The following PRDM15 variants were observed in gnomAD, a reference collection of about 807,000 sequenced individuals.
PRDM15 encodes the protein PR/SET domain 15, also known as PR domain zinc finger protein 15.
Under a neutral mutation model 128.6 loss-of-function variants are expected in PRDM15, and 64 were observed. The observed-to-expected ratio is 0.50, with a 90% CI of 0.41 to 0.61. The LOEUF (loss-of-function observed/expected upper bound fraction) is 0.61, where lower values mean the gene tolerates loss of function less well. PRDM15 is among the 20% of genes least tolerant of loss of function. The pLI is 0.00. For missense variants in PRDM15, 1,242 were observed against 1,569.1 expected (o/e 0.79, Z 3.52); for synonymous variants, 615 against 621.8 (o/e 0.99, Z 0.16).
chr21:41,860,464 G>T, intron 1 of PRDM15, 92 bp from the exon 2 acceptor site: 2 of 1,079,534 alleles, frequency 1.9e-6, no homozygotes, highest in South Asian at 1.3e-5. Flanking sequence ...TGTTGCCCAG[G>T]ATAGATAGAG....
rs375224233 is a variant in PRDM15 at position 41,809,900 on chromosome 21, A to G, written c.2652+254T>C. On this transcript the variant is annotated intron_variant, in intron 21 of 23. Transcript: ENST00000398548. ...GGGGGAGTGGCAGGGCTGTGCTTCC[A>G]TCTTGCCATAATTTCAGGGAGGACG... Among the ~76,000 whole-genome samples, 55 of 152,242 alleles carry G rather than the reference A, an allele frequency of 3.6e-4. 1 individual carries two copies. The South Asian group carries it at 0.011, about 30-fold the overall frequency.
Position 41,800,187 on chromosome 21 carries a change from T to C in PRDM15, c.*1053A>G, listed in dbSNP as rs1363456199. The C allele has an allele frequency of 6.6e-6, 1 of 152,254 alleles. No individual in the cohort carries two copies. Among genetic ancestry groups the C allele is most frequent in the Non-Finnish European group, 1.5e-5 (1 of 68,040 alleles). 9.4% of individuals were successfully genotyped at this position (152,254 alleles called of 1,614,324 possible). A position where few individuals can be genotyped will look rare whatever the true frequency, so the allele number is the denominator to read the frequency against. On this transcript the variant is annotated 3_prime_UTR_variant, in exon 24 of 24. Coordinates refer to ENST00000398548, the MANE Select transcript of PRDM15 (RefSeq NM_001040424.3). ...ACTGGTCATGAAATACACCAACCTT[T>C]GGAATTGAAGTTTAAACAGAAGGAA...
Position 41,872,487 on chromosome 21 carries a change from TTATCAA to T in PRDM15, c.-10+6777_-10+6782del, listed in dbSNP as rs2064247471. ...GAAATAATGAACTTAAACAACTTCA[TTATCAA>T]TAACTTTAATTGATTTTTTATATTT... On this transcript the variant is annotated intron_variant, in intron 1 of 23. Coordinates refer to ENST00000398548, the MANE Select transcript of PRDM15 (RefSeq NM_001040424.3). Among the ~76,000 whole-genome samples the T allele has an allele frequency of 2.0e-5, 3 of 152,366 alleles. No individual in the cohort carries two copies. The South Asian group carries it at 6.2e-4, about 32-fold the overall frequency.
Position 41,810,431 on chromosome 21 carries a change from A to G in PRDM15, c.2477-102T>C, listed in dbSNP as rs2061827852. Reference sequence around the variant, plus strand: ...ACCCTGGCCTGCTGGACGAGGCAAGAAGCCTGTCACGCCCCGCCCATCCTG... The same window carrying G: ...ACCCTGGCCTGCTGGACGAGGCAAGGAGCCTGTCACGCCCCGCCCATCCTG... On this transcript the variant is annotated intron_variant, in intron 20 of 23. Transcript: ENST00000398548. This position sits in a 1 kb window ranked among gnomAD's most constrained non-coding sequence, Gnocchi z 6.4. 6 of 1,364,740 alleles carry G rather than the reference A, an allele frequency of 4.4e-6. No homozygotes were observed. The African/African-American group carries it at 8.5e-5, about 19-fold the overall frequency. 84.5% of individuals were successfully genotyped at this position (1,364,740 alleles called of 1,614,324 possible). A position where few individuals can be genotyped will look rare whatever the true frequency, so the allele number is the denominator to read the frequency against.
In PRDM15 at chr21:41,836,130, T is replaced by C. The variant is rs1379949292; in HGVS notation, c.1261A>G (p.Lys421Glu). Residue 421 changes from lysine to glutamate, a missense_variant, in exon 10 of 24, where the codon AAG (lysine) becomes GAG (glutamate). Coordinates refer to ENST00000398548, the MANE Select transcript of PRDM15 (RefSeq NM_001040424.3). ...CCACCCACCTCGTTCCTGCTGTGCT[T>C]GTAGGAAACGTGCTGCTTTAGGCTC... ...KESLKQHVSYKHSRNEVDGEY... is the reference protein window; with the variant it reads ...KESLKQHVSYEHSRNEVDGEY... 6.2e-7 allele frequency: 1 copy of C among 1,613,814 alleles called. No homozygotes were observed. Among genetic ancestry groups the C allele is most frequent in the Non-Finnish European group, 8.5e-7 (1 of 1,179,840 alleles).
At chr21:41,824,812 G>A (rs1162006448) in intron 13 of PRDM15, among the ~76,000 whole-genome samples, 1 of 152,162 alleles carries the variant, frequency 6.6e-6, no homozygotes, top group Non-Finnish European at 1.5e-5. Flanking sequence ...TCTGTGGTTT[G>A]AAAAAAATCA....
intron 14 of PRDM15, among the ~76,000 whole-genome samples, chr21:41,822,730 G>A (rs1462737816): frequency 6.6e-6 from 1 of 152,208 alleles, no homozygotes; most frequent in South Asian, 2.1e-4. Flanking sequence ...CATGAGGCTG[G>A]AGCCCTCAAG....
intron 21 of PRDM15, among the ~76,000 whole-genome samples, chr21:41,806,741 C>T (rs1284632385): frequency 6.9e-6 from 1 of 144,752 alleles, no homozygotes; most frequent in Non-Finnish European, 1.5e-5. Context: ...ATCACCATAC[C>T]ACCACCATCA....
intron 7 of PRDM15, 151 bp from the exon 8 acceptor site, chr21:41,838,214 G>A (rs1601316391): frequency 2.6e-6 from 2 of 771,128 alleles, no homozygotes; most frequent in East Asian, 2.7e-5. Context: ...AAAAAAAACT[G>A]TCAATATTTT....
At chr21:41,835,963 G>GCCC in intron 10 of PRDM15, 150 bp downstream of exon 10, 1 of 115,682 alleles carries the variant, frequency 8.6e-6, no homozygotes, top group Non-Finnish European at 1.7e-5. Context: ...CTCCCCCACA[G>GCCC]CCCCCGCCCA....
chr21:41,854,743 G>A lies in PRDM15; in HGVS notation c.361C>T (p.Arg121Trp), dbSNP rs750268566. 3.7e-6 allele frequency: 6 copies of A among 1,613,030 alleles called. No individual in the cohort carries two copies. Among genetic ancestry groups the A allele is most frequent in the African/African-American group, 2.7e-5 (2 of 74,952 alleles). The change falls in exon 5 of 24, where the codon CGG (arginine) becomes TGG (tryptophan). Residue 121 changes from arginine (R) to tryptophan (W), a missense_variant. Physicochemically the swap from Arg to Trp is moderately radical, Grantham distance 101. This residue lies in a region of PRDM15 where 612 missense variants were observed against 717.0 expected (regional missense o/e 0.85). Transcript: ENST00000398548. This position sits in a 1 kb window ranked among gnomAD's most constrained non-coding sequence, Gnocchi z 4.6. ...EDDCNWMMLV[R>W]PAAEAEHQNL... Reference sequence around the variant, plus strand: ...TGGTGCTCGGCCTCCGCCGCTGGCCGCACCAGCATCATCCAGTTGCAGTCA... The same window carrying A: ...TGGTGCTCGGCCTCCGCCGCTGGCCACACCAGCATCATCCAGTTGCAGTCA...
intron 1 of PRDM15, among the ~76,000 whole-genome samples, chr21:41,865,736 A>G (rs2063986235): frequency 6.6e-6 from 1 of 152,086 alleles, no homozygotes; most frequent in African/African-American, 2.4e-5. Flanking sequence ...TGTTTTTTCT[A>G]CTAGATTTAT....
intron 9 of PRDM15, 124 bp downstream of exon 9, chr21:41,836,344 G>T (rs1300186121): frequency 2.3e-6 from 3 of 1,291,492 alleles, no homozygotes; most frequent in Non-Finnish European, 3.3e-6. Flanking sequence ...GCCCACAAAT[G>T]CAGCCTCTCA....
In PRDM15 at chr21:41,801,184, A is replaced by G; in HGVS notation, c.*56T>C. 1.3e-6 allele frequency: 2 copies of G among 1,498,414 alleles called. No individual in the cohort carries two copies. The highest frequency in any genetic ancestry group is 1.3e-5 in the South Asian group (1 of 74,696). 92.8% of individuals were successfully genotyped at this position (1,498,414 alleles called of 1,614,324 possible). Reference sequence around the variant, plus strand: ...TGTTTGGTATCCAGCAAACACATCTAAACAAATCCCAAACATCCCTCTGCA... The same window carrying G: ...TGTTTGGTATCCAGCAAACACATCTGAACAAATCCCAAACATCCCTCTGCA... On this transcript the variant is annotated 3_prime_UTR_variant, in exon 24 of 24. Coordinates refer to ENST00000398548, the MANE Select transcript of PRDM15 (RefSeq NM_001040424.3).
Position 41,828,153 on chromosome 21 carries a change from C to T in PRDM15, c.1534+13G>A. The T allele has an allele frequency of 5.0e-6, 8 of 1,612,768 alleles. No homozygotes were observed. Among genetic ancestry groups the T allele is most frequent in the South Asian group, 1.1e-5 (1 of 91,052 alleles). Reference sequence around the variant, plus strand: ...CCTCTCCCCGCCCGCAGCAGGTGCGCAGGCGGCCTCACCTTCCAGGTGCCG... The same window carrying T: ...CCTCTCCCCGCCCGCAGCAGGTGCGTAGGCGGCCTCACCTTCCAGGTGCCG... On this transcript the variant is annotated intron_variant, in intron 12 of 23. Coordinates refer to ENST00000398548, the MANE Select transcript of PRDM15 (RefSeq NM_001040424.3). This position sits in a 1 kb window ranked among gnomAD's most constrained non-coding sequence, Gnocchi z 5.7.
In PRDM15 at chr21:41,802,648, G is replaced by C; in HGVS notation, c.2943+64C>G. On this transcript the variant is annotated intron_variant, in intron 23 of 23. Transcript: ENST00000398548. ...TAAAAAGAGATGGAGTCACACACAC[G>C]TAAGGCTCTCATGCTTAGGGAAAGT... The C allele has an allele frequency of 2.3e-6, 3 of 1,332,928 alleles. 1 individual carries two copies. The highest frequency in any genetic ancestry group is 2.3e-5 in the South Asian group (2 of 85,392). The allele number at this position is 1,332,928 out of a possible 1,614,324, so 82.6% of individuals were successfully genotyped here. A position where few individuals can be genotyped will look rare whatever the true frequency, so the allele number is the denominator to read the frequency against.
At chr21:41,823,542 G>C (rs2062362271) in intron 13 of PRDM15, 93 bp from the exon 14 acceptor site, 1 of 1,395,250 alleles carries the variant, frequency 7.2e-7, no homozygotes, top group South Asian at 1.4e-5. Flanking sequence ...CCACAACCCG[G>C]GACGGAAACA....
intron 21 of PRDM15, among the ~76,000 whole-genome samples, chr21:41,806,911 A>G (rs1398695184): frequency 4.7e-5 from 7 of 147,998 alleles, no homozygotes; most frequent in Non-Finnish European, 1.5e-5. Context: ...CATCACCACT[A>G]CCATCCCTAT....
chr21:41,879,008 C>T lies in PRDM15; in HGVS notation c.-10+262G>A. On this transcript the variant is annotated intron_variant, in intron 1 of 23. Coordinates refer to ENST00000398548, the MANE Select transcript of PRDM15 (RefSeq NM_001040424.3). The surrounding 1 kb of genome is among the most constrained non-coding windows in gnomAD (Gnocchi z 5.1). Reference sequence around the variant, plus strand: ...GCGGCGGCGGGACCCGGCGGGCGGGCGGCGCGCAGGGCGATCCCGGAGCGG... The same window carrying T: ...GCGGCGGCGGGACCCGGCGGGCGGGTGGCGCGCAGGGCGATCCCGGAGCGG... 2.0e-6 allele frequency: 2 copies of T among 1,018,776 alleles called. No homozygotes were observed. Among genetic ancestry groups the T allele is most frequent in the South Asian group, 3.6e-5 (1 of 28,080 alleles). The allele number at this position is 1,018,776 out of a possible 1,614,324, so 63.1% of individuals were successfully genotyped here. A position where few individuals can be genotyped will look rare whatever the true frequency, so the allele number is the denominator to read the frequency against.
Sources: gnomAD v4.1 joint callset for allele counts (sites outside exome capture counted in the v4.1 genomes callset) on GRCh38, gnomAD v4.1.1 for gene constraint, gnomAD v4.1.1 regional missense constraint, Gnocchi (gnomAD v3.1) non-coding constraint, MANE v1.5 for transcripts, NCBI Gene and HGNC (gene_info 2026-07-23, HGNC 2026-07-21) for gene names.